CTNND2: variants seen among roughly 807,000 people sequenced by gnomAD.
CTNND2 encodes the protein catenin delta-2.
Under a neutral mutation model 144.4 loss-of-function variants are expected in CTNND2, and 22 were observed. The ratio of observed to expected loss-of-function variants is 0.15; its 90% CI spans 0.11 to 0.22. The LOEUF (loss-of-function observed/expected upper bound fraction) is 0.22. Ranked by LOEUF, CTNND2 falls within the 10% of genes least tolerant of loss-of-function variation. CTNND2 has a pLI of 1.00. For missense variants in CTNND2, 1,353 were observed against 1,618.8 expected (o/e 0.84, Z 2.82); for synonymous variants, 751 against 695.6 (o/e 1.08, Z -1.25).
intron 11 of CTNND2, among the ~76,000 whole-genome samples, 175 bp downstream of exon 11, chr5:11,199,273 C>T (rs1029886093): frequency 1.3e-5 from 2 of 152,200 alleles, no homozygotes; most frequent in Non-Finnish European, 2.9e-5. Flanking sequence ...TGAATCCATG[C>T]ATGTCACATC....
intron 7 of CTNND2, among the ~76,000 whole-genome samples, chr5:11,375,612 T>A (rs777529544): frequency 2.0e-5 from 3 of 152,226 alleles, no homozygotes; most frequent in Non-Finnish European, 1.5e-5. Flanking sequence ...ATCGCAGTTG[T>A]ATTCATTAAA....
intron 14 of CTNND2, among the ~76,000 whole-genome samples, chr5:11,104,564 G>T (rs1752227766): frequency 6.6e-6 from 1 of 152,126 alleles, no homozygotes; most frequent in Non-Finnish European, 1.5e-5. Context: ...GGGGGTTAAA[G>T]GTGGAAGGAT....
chr5:11,869,571 A>G (rs1180974517), intron 1 of CTNND2, among the ~76,000 whole-genome samples: 1 of 152,228 alleles, frequency 6.6e-6, no homozygotes, highest in Non-Finnish European at 1.5e-5. Flanking sequence ...ATGGGCTGCA[A>G]GAATGGAAAG....
intron 1 of CTNND2, among the ~76,000 whole-genome samples, chr5:11,751,940 T>C (rs1581823999): frequency 6.6e-6 from 1 of 152,112 alleles, no homozygotes; most frequent in Middle Eastern, 3.4e-3. Context: ...TCTGTGGTTT[T>C]GATTTGCATT....
At chr5:11,003,738 G>C (rs951079807) in intron 18 of CTNND2, among the ~76,000 whole-genome samples, 1 of 152,138 alleles carries the variant, frequency 6.6e-6, no homozygotes, top group South Asian at 2.1e-4. Context: ...ACAATTCCAA[G>C]AGCTATTAGA....
intron 2 of CTNND2, among the ~76,000 whole-genome samples, chr5:11,634,694 G>A (rs1330187879): frequency 6.6e-6 from 1 of 152,150 alleles, no homozygotes; most frequent in Non-Finnish European, 1.5e-5. Flanking sequence ...AAAAAGCAAT[G>A]AGAAGATTCC....
chr5:11,084,576 G>C (rs1420143651), intron 15 of CTNND2, among the ~76,000 whole-genome samples: 1 of 152,184 alleles, frequency 6.6e-6, no homozygotes, highest in African/African-American at 2.4e-5. Flanking sequence ...ACATCGGGGA[G>C]ATATTCTTGA....
At chr5:11,823,323 T>G (rs1793419950) in intron 1 of CTNND2, among the ~76,000 whole-genome samples, 1 of 152,222 alleles carries the variant, frequency 6.6e-6, no homozygotes, top group South Asian at 2.1e-4. Context: ...TGTGGATTTG[T>G]GCTGGGTGTG....
chr5:11,225,860 TAATCA>T (rs1740280813), intron 10 of CTNND2, among the ~76,000 whole-genome samples: 2 of 152,200 alleles, frequency 1.3e-5, no homozygotes, highest in African/African-American at 4.8e-5. Context: ...TACATAGATG[TAATCA>T]AGTTAAGATA....
intron 11 of CTNND2, among the ~76,000 whole-genome samples, chr5:11,188,446 TG>T: frequency 6.6e-6 from 1 of 152,156 alleles, no homozygotes; most frequent in South Asian, 2.1e-4. Flanking sequence ...CAACCCACAC[TG>T]GGGCCAGTCA....
At chr5:11,414,760 C>A (rs1761801351) in intron 3 of CTNND2, among the ~76,000 whole-genome samples, 1 of 152,212 alleles carries the variant, frequency 6.6e-6, no homozygotes, top group African/African-American at 2.4e-5. Context: ...CCACCCTCCA[C>A]TCTCAAATAG....
intron 2 of CTNND2, among the ~76,000 whole-genome samples, chr5:11,712,580 A>G (rs1786091312): frequency 6.6e-6 from 1 of 152,228 alleles, no homozygotes; most frequent in Non-Finnish European, 1.5e-5. Context: ...AGAAATATTA[A>G]AGTACTTGTA....
At chr5:11,366,897 T>A (rs946542263) in intron 7 of CTNND2, among the ~76,000 whole-genome samples, 1 of 152,194 alleles carries the variant, frequency 6.6e-6, no homozygotes, top group African/African-American at 2.4e-5. Context: ...TTATTTGGCA[T>A]TCAGAAATTT....
chr5:11,822,762 C>A (rs1793384403), intron 1 of CTNND2, among the ~76,000 whole-genome samples: 1 of 151,976 alleles, frequency 6.6e-6, no homozygotes, highest in African/African-American at 2.4e-5. Context: ...GACCTGAGTC[C>A]AACAATTTAT....
chr5:11,570,873 T>C (rs940443632), intron 2 of CTNND2, among the ~76,000 whole-genome samples: 1 of 152,046 alleles, frequency 6.6e-6, no homozygotes, highest in Non-Finnish European at 1.5e-5. Flanking sequence ...TCTTCAACTC[T>C]CATTATTCAG....
At chr5:11,770,294 G>A (rs1009913298) in intron 1 of CTNND2, among the ~76,000 whole-genome samples, 2 of 152,034 alleles carry the variant, frequency 1.3e-5, no homozygotes, top group Non-Finnish European at 2.9e-5. Context: ...TAACCTTAAC[G>A]TGAATACTCA....
At position 11,443,240 on chromosome 5, in the gene CTNND2, G is replaced by GC. The variant is rs1201711582; in HGVS notation, c.288-31172_288-31171insG. Among the ~76,000 whole-genome samples the GC allele has an allele frequency of 3.1e-4, 42 of 133,566 alleles. No homozygotes were observed. The South Asian group carries it at 8.0e-3, about 25-fold the overall frequency. The allele number at this position is 133,566 out of a possible 152,430, so 87.6% of individuals were successfully genotyped here. On this transcript the variant is annotated intron_variant, in intron 3 of 21. Coordinates refer to ENST00000304623, the MANE Select transcript of CTNND2 (RefSeq NM_001332.4). ...TGTGGTGTGTATGTGTGTGTGATGT[G>GC]TGTGTGTGTGTGCTGTGTGTGGTGT...
At chr5:11,658,488 T>C (rs774639715) in intron 2 of CTNND2, among the ~76,000 whole-genome samples, 1 of 152,134 alleles carries the variant, frequency 6.6e-6, no homozygotes, top group African/African-American at 2.4e-5. Context: ...GTCAAATTAC[T>C]GACAACCAAG....
At chr5:11,527,269 A>T (rs756213758) in intron 3 of CTNND2, among the ~76,000 whole-genome samples, 195 of 152,358 alleles carry the variant, frequency 1.3e-3, no homozygotes, top group Non-Finnish European at 1.7e-3. Context: ...CTAAGATGCA[A>T]AGAAGTAGAA....
Sources: gnomAD v4.1 joint callset for allele counts (sites outside exome capture counted in the v4.1 genomes callset) on GRCh38, gnomAD v4.1.1 for gene constraint, MANE v1.5 for transcripts, NCBI Gene and HGNC (gene_info 2026-07-23, HGNC 2026-07-21) for gene names.